Variants in MILR1 observed in about 807,000 individuals in gnomAD.
MILR1 encodes the protein mast cell immunoglobulin like receptor 1.
Under a neutral mutation model 18.5 loss-of-function variants are expected in MILR1, and 31 were observed. The observed-to-expected ratio is 1.68, with a 90% CI of 1.26 to 2.26. MILR1 has a LOEUF of 2.26. MILR1 is among the 30% of genes most tolerant of loss of function. MILR1 has a pLI of 0.00. For missense variants in MILR1, 257 were observed against 157.4 expected, an observed-to-expected ratio of 1.63 and a Z score of -3.38; for synonymous variants, 85 against 56.2, an observed-to-expected ratio of 1.51 and a Z score of -2.30.
the MILR1 span, chr17:64,496,838 A>G: frequency 1.2e-6 from 2 of 1,613,742 alleles, no homozygotes; most frequent in Non-Finnish European, 8.5e-7. Context: ...GTGCGACTTC[A>G]CATGCCCTCC....
chr17:64,453,082 T>C (rs1297450665), intron 3 of MILR1, among the ~76,000 whole-genome samples: 1 of 151,814 alleles, frequency 6.6e-6, no homozygotes, highest in Non-Finnish European at 1.5e-5. Flanking sequence ...CTTTTTTTTT[T>C]TTTTGAAACA....
chr17:64,455,620 A>ATT (rs878942450), intron 3 of MILR1, among the ~76,000 whole-genome samples: 80,615 of 143,702 alleles, frequency 0.56, 23,544 homozygotes, highest in Middle Eastern at 0.76. Flanking sequence ...CGCCTGGCTA[A>ATT]TTTTTTTTTT....
At chr17:64,495,810 G>A in the MILR1 span, among the ~76,000 whole-genome samples, 2 of 151,938 alleles carry the variant, frequency 1.3e-5, no homozygotes, top group South Asian at 4.1e-4. Flanking sequence ...CTGGGTTCAA[G>A]CGATTCTCCT....
the MILR1 span, among the ~76,000 whole-genome samples, chr17:64,492,114 G>A: frequency 1.1e-4 from 17 of 152,196 alleles, no homozygotes; most frequent in African/African-American, 3.6e-4. Flanking sequence ...ACTAAAGTGG[G>A]ATAAAGAAGA....
chr17:64,454,670 T>C (rs946688453), intron 3 of MILR1, among the ~76,000 whole-genome samples: 1 of 152,102 alleles, frequency 6.6e-6, no homozygotes, highest in Non-Finnish European at 1.5e-5. Context: ...TGCATAAGGT[T>C]TTAGAGAATG....
intron 2 of MILR1, among the ~76,000 whole-genome samples, 168 bp downstream of exon 2, chr17:64,449,523 G>T (rs1349680398): frequency 6.6e-6 from 1 of 151,906 alleles, no homozygotes; most frequent in Non-Finnish European, 1.5e-5. Context: ...TTTAGGGAGG[G>T]GATTGCAGCA....
chr17:64,462,292 A>C (rs2037449651), intron 5 of MILR1, among the ~76,000 whole-genome samples: 1 of 151,866 alleles, frequency 6.6e-6, no homozygotes, highest in Non-Finnish European at 1.5e-5. Flanking sequence ...GGCCTCCCAC[A>C]GTGTTGGGAT....
the MILR1 span, among the ~76,000 whole-genome samples, chr17:64,483,514 A>G: frequency 2.0e-5 from 2 of 98,334 alleles, no homozygotes; most frequent in Non-Finnish European, 3.4e-5. Context: ...ATCCTGTCTC[A>G]AAAAAAAAAA....
At chr17:64,492,952 A>G in the MILR1 span, 4 of 1,614,084 alleles carry the variant, frequency 2.5e-6, no homozygotes, top group Non-Finnish European at 3.4e-6. Context: ...ACACACTCCA[A>G]TCTGAGCAAG....
chr17:64,496,858 A>C, the MILR1 span: 9 of 1,612,418 alleles, frequency 5.6e-6, no homozygotes, highest in Admixed American at 1.7e-5. Flanking sequence ...CTTTGGGGCT[A>C]CTCCTTTCCG....
intron 2 of MILR1, among the ~76,000 whole-genome samples, chr17:64,451,136 G>A (rs1245831239): frequency 3.0e-5 from 4 of 132,384 alleles, no homozygotes; most frequent in Non-Finnish European, 7.0e-5. Context: ...TTTTATTTAG[G>A]GTTTTTTTTT....
At chr17:64,490,614 G>C in the MILR1 span, 1 of 618,934 alleles carries the variant, frequency 1.6e-6, no homozygotes, top group Non-Finnish European at 2.9e-6. Flanking sequence ...GGCAATAGTG[G>C]ATTACTGTTA....
chr17:64,461,401 C>G (rs1366221998), intron 5 of MILR1, among the ~76,000 whole-genome samples: 1 of 152,004 alleles, frequency 6.6e-6, no homozygotes, highest in Non-Finnish European at 1.5e-5. Flanking sequence ...GTTTCCGCCA[C>G]CATACCCAGC....
intron 3 of MILR1, among the ~76,000 whole-genome samples, chr17:64,455,972 T>G (rs1291447088): frequency 6.6e-6 from 1 of 151,710 alleles, no homozygotes; most frequent in Admixed American, 6.6e-5. Context: ...ACCTGGGAGG[T>G]AGAGGTTGCA....
chr17:64,472,102 A>C (rs1419625996), downstream of MILR1, among the ~76,000 whole-genome samples: 5 of 152,190 alleles, frequency 3.3e-5, no homozygotes, highest in African/African-American at 1.2e-4. Flanking sequence ...AGAAAACATA[A>C]AGGATTGTTA....
At chr17:64,454,268 A>G (rs1439334001) in intron 3 of MILR1, among the ~76,000 whole-genome samples, 1 of 152,122 alleles carries the variant, frequency 6.6e-6, no homozygotes, top group African/African-American at 2.4e-5. Context: ...CCCAGGCTGG[A>G]GTGCAGAGGC....
the MILR1 span, among the ~76,000 whole-genome samples, chr17:64,477,275 T>C: frequency 1.3e-5 from 2 of 152,132 alleles, 1 homozygote; most frequent in East Asian, 3.8e-4. Context: ...CCTTGGATGG[T>C]GATTTGCCTA....
chr17:64,492,993 C>T, the MILR1 span: 1 of 1,614,036 alleles, frequency 6.2e-7, no homozygotes, highest in Non-Finnish European at 8.5e-7. Flanking sequence ...TTACCAGATC[C>T]AGGCAATTAA....
chr17:64,497,037 A>T, the MILR1 span: 1 of 1,487,028 alleles, frequency 6.7e-7, no homozygotes, highest in Non-Finnish European at 9.3e-7. Flanking sequence ...CACTACCGTT[A>T]ACAGAATCCG....
Sources: allele counts gnomAD v4.1 joint callset (sites outside exome capture counted in the v4.1 genomes callset), GRCh38; gene constraint gnomAD v4.1.1; transcripts MANE v1.5; gene names NCBI Gene and HGNC (gene_info 2026-07-23, HGNC 2026-07-21).